EPB41L3: variants seen among roughly 807,000 people sequenced by gnomAD.
EPB41L3 encodes band 4.1-like protein 3.
In EPB41L3, 57 loss-of-function variants were observed where a neutral mutation model predicts 127.1. The observed-to-expected ratio is 0.45, with a 90% CI of 0.36 to 0.56. EPB41L3 has a LOEUF of 0.56. Ranked by LOEUF, EPB41L3 falls within the 20% of genes least tolerant of loss-of-function variation. EPB41L3 has a pLI of 0.00. For synonymous variants in EPB41L3, 572 were observed against 549.5 expected (o/e 1.04, Z -0.57); for missense variants, 1,273 against 1,372.2 (o/e 0.93, Z 1.14).
Position 5,397,473 on chromosome 18 carries a change from A to G in EPB41L3, c.2473-47T>C, listed in dbSNP as rs752465844. ...CATCAGTGTGACCATCCATAAACCA[A>G]AGGTCAGAAAATAACTAAAGCTGCC... On this transcript the variant is annotated intron_variant, in intron 17 of 22. Transcript: ENST00000341928. This position sits in a 1 kb window ranked among gnomAD's most constrained non-coding sequence, Gnocchi z 4.1. 1 of 1,536,454 alleles carries G rather than the reference A, an allele frequency of 6.5e-7. No homozygotes were observed.
chr18:5,619,804 T>C (rs2094840124), intron 1 of EPB41L3, among the ~76,000 whole-genome samples: 2 of 152,186 alleles, frequency 1.3e-5, no homozygotes, highest in African/African-American at 4.8e-5. Context: ...ACCCAGAACC[T>C]CTTTGAATTC....
chr18:5,532,651 T>C (rs1048840214), intron 1 of EPB41L3, among the ~76,000 whole-genome samples: 3 of 152,210 alleles, frequency 2.0e-5, no homozygotes, highest in African/African-American at 7.2e-5. Flanking sequence ...TGGTTTAATT[T>C]TGCTTGGTTC....
intron 15 of EPB41L3, 28 bp from the exon 16 acceptor site, chr18:5,406,996 A>C (rs367617599): frequency 5.0e-6 from 8 of 1,591,778 alleles, no homozygotes; most frequent in African/African-American, 1.3e-5. Context: ...AGTATCCAAC[A>C]GTCAATGTTT....
At chr18:5,508,534 G>A (rs963722558) in intron 1 of EPB41L3, among the ~76,000 whole-genome samples, 4 of 152,036 alleles carry the variant, frequency 2.6e-5, no homozygotes, top group African/African-American at 9.7e-5. Context: ...TTGGGAGGCC[G>A]AGGTGGGTGG....
At chr18:5,586,004 T>C (rs958770454) in intron 3 of EPB41L3, among the ~76,000 whole-genome samples, 1 of 152,304 alleles carries the variant, frequency 6.6e-6, no homozygotes, top group Non-Finnish European at 1.5e-5. Context: ...ATTTCAGCCC[T>C]AGGGGCAGTA....
chr18:5,420,283 C>T (rs2077313443), intron 11 of EPB41L3: 1 of 253,360 alleles, frequency 3.9e-6, no homozygotes, highest in African/African-American at 2.3e-5. Context: ...CTCGTAGTGG[C>T]CAATTCCACA....
chr18:5,609,611 T>A (rs1202626154), intron 3 of EPB41L3, among the ~76,000 whole-genome samples: 1 of 152,164 alleles, frequency 6.6e-6, no homozygotes, highest in Admixed American at 6.6e-5. Flanking sequence ...AGCAGGGAAG[T>A]CATGTCAAGA....
At chr18:5,513,477 C>T (rs2092627865) in intron 1 of EPB41L3, among the ~76,000 whole-genome samples, 1 of 152,186 alleles carries the variant, frequency 6.6e-6, no homozygotes, top group Admixed American at 6.5e-5. Context: ...GGAGCATCTC[C>T]TCTGTGACTA....
At chr18:5,501,039 A>G (rs2091699909) in intron 1 of EPB41L3, among the ~76,000 whole-genome samples, 1 of 152,206 alleles carries the variant, frequency 6.6e-6, no homozygotes, top group Non-Finnish European at 1.5e-5. Flanking sequence ...AGCTGCCTGT[A>G]AATATTTGTA....
At chr18:5,430,492 A>T (rs2145646941) in intron 8 of EPB41L3, among the ~76,000 whole-genome samples, 1 of 152,338 alleles carries the variant, frequency 6.6e-6, no homozygotes, top group African/African-American at 2.4e-5. Flanking sequence ...ACGGCAAAAA[A>T]AAATGATACT....
At chr18:5,579,048 TTTTACACACTGG>T (rs2094365039) in intron 3 of EPB41L3, among the ~76,000 whole-genome samples, 3 of 152,170 alleles carry the variant, frequency 2.0e-5, no homozygotes, top group Admixed American at 2.0e-4. Context: ...CTGCAGTATG[TTTTACACACTGG>T]AATATTAAAC....
At chr18:5,620,621 C>A (rs574191504) in intron 1 of EPB41L3, among the ~76,000 whole-genome samples, 1 of 152,244 alleles carries the variant, frequency 6.6e-6, no homozygotes, top group Non-Finnish European at 1.5e-5. Flanking sequence ...TGACAATATT[C>A]CCCAGGACTC....
intron 3 of EPB41L3, among the ~76,000 whole-genome samples, chr18:5,607,369 C>T (rs1248139450): frequency 6.6e-5 from 10 of 152,154 alleles, no homozygotes; most frequent in South Asian, 4.1e-4. Context: ...AGCCCTTCCA[C>T]GGCGAGGCTC....
intron 3 of EPB41L3, among the ~76,000 whole-genome samples, chr18:5,473,073 A>G (rs561959430): frequency 6.6e-6 from 1 of 152,138 alleles, no homozygotes; most frequent in South Asian, 2.1e-4. Context: ...GACAAGCTCT[A>G]AGTAATCTAG....
chr18:5,442,890 T>C (rs2080987790), intron 5 of EPB41L3, among the ~76,000 whole-genome samples: 1 of 152,150 alleles, frequency 6.6e-6, no homozygotes, highest in Admixed American at 6.5e-5. Flanking sequence ...TATACAGACA[T>C]AATTTTTTAA....
chr18:5,418,937 T>C (rs1040433422), intron 12 of EPB41L3, among the ~76,000 whole-genome samples: 1 of 152,204 alleles, frequency 6.6e-6, no homozygotes, highest in Admixed American at 6.5e-5. Context: ...TCTTACTCTA[T>C]GCTCTGTACA....
intron 3 of EPB41L3, among the ~76,000 whole-genome samples, chr18:5,550,202 T>G (rs986450585): frequency 3.3e-5 from 5 of 152,184 alleles, no homozygotes; most frequent in Non-Finnish European, 7.3e-5. Context: ...CTGACTATCT[T>G]AAACCCTGCA....
intron 16 of EPB41L3, chr18:5,399,112 T>C (rs1385962793): frequency 2.5e-6 from 1 of 399,022 alleles, no homozygotes. Context: ...TCACCCTCTT[T>C]AGCTTTCCCA....
intron 1 of EPB41L3, among the ~76,000 whole-genome samples, chr18:5,623,521 A>G (rs745957210): frequency 6.6e-6 from 1 of 152,094 alleles, no homozygotes; most frequent in Non-Finnish European, 1.5e-5. Context: ...AGGCTATTGT[A>G]TATTCAATAG....
Sources: allele counts gnomAD v4.1 joint callset (sites outside exome capture counted in the v4.1 genomes callset), GRCh38; gene constraint gnomAD v4.1.1; non-coding constraint Gnocchi (gnomAD v3.1); transcripts MANE v1.5; gene names NCBI Gene and HGNC (gene_info 2026-07-23, HGNC 2026-07-21).